BICD1: variants seen among roughly 807,000 people sequenced by gnomAD.
BICD1 encodes BICD cargo adaptor 1, also known as protein bicaudal D homolog 1.
In BICD1, 35 loss-of-function variants were observed where a neutral mutation model predicts 92.5. That is an observed-to-expected ratio of 0.38 (90% confidence interval 0.29 to 0.50). The LOEUF is 0.50. Among genes scored for constraint, BICD1 ranks in the 20% least tolerant of loss-of-function variants. BICD1 has a pLI of 0.93. For missense variants in BICD1, 950 were observed against 1,189.8 expected, an observed-to-expected ratio of 0.80 and a Z score of 2.97; for synonymous variants, 429 against 465.1, an observed-to-expected ratio of 0.92 and a Z score of 1.00.
chr12:32,135,256 T>C lies in BICD1; in HGVS notation c.213+27712T>C, dbSNP rs547111219. Among the ~76,000 whole-genome samples the C allele has an allele frequency of 7.2e-4, 109 of 151,850 alleles. No homozygotes were observed. The South Asian group carries it at 7.5e-3, about 10-fold the overall frequency. On this transcript the variant is annotated intron_variant, in intron 1 of 9. Coordinates refer to ENST00000652176, the MANE Select transcript of BICD1 (RefSeq NM_001714.4). Reference sequence around the variant, plus strand: ...GGTGCATGCCACCATGCCTGGCTAATTTTATATTTTTAGTAGAGATGGGCT... The same window carrying C: ...GGTGCATGCCACCATGCCTGGCTAACTTTATATTTTTAGTAGAGATGGGCT...
At chr12:32,165,316 C>T (rs981875116) in intron 1 of BICD1, among the ~76,000 whole-genome samples, 12 of 152,210 alleles carry the variant, frequency 7.9e-5, no homozygotes, top group African/African-American at 2.6e-4. Context: ...GAGATTGAGA[C>T]CATCCTGGCT....
intron 1 of BICD1, 95 bp downstream of exon 1, chr12:32,107,639 G>A (rs934962041): frequency 1.5e-6 from 2 of 1,336,662 alleles, no homozygotes; most frequent in African/African-American, 2.9e-5. Flanking sequence ...GGAGGTGATT[G>A]AAAGGACTGT....
In BICD1 at chr12:32,378,016, T is replaced by G. The variant is rs1940048400; in HGVS notation, c.*389T>G. Reference sequence around the variant, plus strand: ...ACACTCCAAATTCAGCTAGGGAAGTTGATTCCAATATGTTTGTCATTGATA... The same window carrying G: ...ACACTCCAAATTCAGCTAGGGAAGTGGATTCCAATATGTTTGTCATTGATA... On this transcript the variant is annotated 3_prime_UTR_variant, in exon 10 of 10. Transcript: ENST00000652176. The G allele has an allele frequency of 6.3e-6, 1 of 159,182 alleles. No individual in the cohort carries two copies. The highest frequency in any genetic ancestry group is 1.4e-5 in the Non-Finnish European group (1 of 72,422). The allele number at this position is 159,182 out of a possible 1,614,324, so 9.9% of individuals were successfully genotyped here.
At chr12:32,301,102 T>G (rs1948032823) in intron 3 of BICD1, among the ~76,000 whole-genome samples, 1 of 152,136 alleles carries the variant, frequency 6.6e-6, no homozygotes, top group African/African-American at 2.4e-5. Flanking sequence ...CCTTCTGATT[T>G]CCATACTCCT....
intron 8 of BICD1, among the ~76,000 whole-genome samples, chr12:32,348,721 AAAATATAT>A (rs1565688788): frequency 3.4e-5 from 4 of 116,434 alleles, no homozygotes; most frequent in Admixed American, 1.1e-4. Flanking sequence ...AGCTCACACA[AAAATATAT>A]ATATATATAT....
At chr12:32,246,627 G>T (rs913787785) in intron 2 of BICD1, among the ~76,000 whole-genome samples, 1 of 152,064 alleles carries the variant, frequency 6.6e-6, no homozygotes, top group African/African-American at 2.4e-5. Context: ...TACAGAGTGA[G>T]ACCTTGTCTC....
At position 32,335,947 on chromosome 12, in the gene BICD1, A is replaced by G. The variant is rs866554503; in HGVS notation, c.2252+1280A>G. ...GGTGCAAAATTCACGAATAATTACT[A>G]TGGCTTTACTTGCAGATTTAGTAAA... is the stretch of plus-strand genomic sequence containing the variant. On this transcript the variant is annotated intron_variant, in intron 6 of 9. Coordinates refer to ENST00000652176, the MANE Select transcript of BICD1 (RefSeq NM_001714.4). 3.9e-5 allele frequency among the ~76,000 whole-genome samples: 6 copies of G among 152,224 alleles called. No homozygotes were observed. The South Asian group carries it at 8.3e-4, about 21-fold the overall frequency.
chr12:32,215,975 A>AAAAG (rs1555148835), intron 1 of BICD1, among the ~76,000 whole-genome samples: 14 of 144,076 alleles, frequency 9.7e-5, no homozygotes, highest in South Asian at 6.7e-4. Flanking sequence ...AAAAAAAAAA[A>AAAAG]GGAGAACATA....
At chr12:32,142,764 A>T (rs979186222) in intron 1 of BICD1, among the ~76,000 whole-genome samples, 1 of 152,110 alleles carries the variant, frequency 6.6e-6, no homozygotes, top group African/African-American at 2.4e-5. Context: ...CTTTTCTTCA[A>T]TTGTTGACAG....
intron 2 of BICD1, among the ~76,000 whole-genome samples, chr12:32,225,211 C>T (rs1945643561): frequency 6.6e-6 from 1 of 152,152 alleles, no homozygotes; most frequent in African/African-American, 2.4e-5. Flanking sequence ...TGGAATAAAA[C>T]AGTATGTAAC....
chr12:32,317,280 A>G (rs1253998161), intron 4 of BICD1, among the ~76,000 whole-genome samples: 1 of 152,238 alleles, frequency 6.6e-6, no homozygotes, highest in African/African-American at 2.4e-5. Flanking sequence ...AGGAATCGTC[A>G]CACTGACTTC....
At chr12:32,142,708 T>G (rs1263547802) in intron 1 of BICD1, among the ~76,000 whole-genome samples, 1 of 152,216 alleles carries the variant, frequency 6.6e-6, no homozygotes, top group Non-Finnish European at 1.5e-5. Flanking sequence ...TCATTAAGAT[T>G]ATTCTCTCAT....
At chr12:32,112,532 C>T (rs940043438) in intron 1 of BICD1, among the ~76,000 whole-genome samples, 5 of 152,136 alleles carry the variant, frequency 3.3e-5, no homozygotes, top group African/African-American at 9.7e-5. Context: ...TTTGAAAATA[C>T]GGTAATTAAT....
At chr12:32,124,028 C>CTAAG (rs1942244962) in intron 1 of BICD1, among the ~76,000 whole-genome samples, 1 of 152,294 alleles carries the variant, frequency 6.6e-6, no homozygotes, top group African/African-American at 2.4e-5. Flanking sequence ...GAATCTTTAC[C>CTAAG]TAAGTGTCTT....
chr12:32,144,680 G>A (rs1005461565), intron 1 of BICD1, among the ~76,000 whole-genome samples: 6 of 152,112 alleles, frequency 3.9e-5, no homozygotes, highest in Non-Finnish European at 8.8e-5. Context: ...CTATCTACTT[G>A]CATAACAATG....
intron 2 of BICD1, among the ~76,000 whole-genome samples, chr12:32,277,605 C>A (rs1309350472): frequency 6.6e-6 from 1 of 152,142 alleles, no homozygotes; most frequent in Admixed American, 6.5e-5. Context: ...CGTCCAGGTA[C>A]CCTGTTAAAG....
intron 2 of BICD1, among the ~76,000 whole-genome samples, chr12:32,252,670 A>C (rs1208429506): frequency 6.6e-6 from 1 of 152,148 alleles, no homozygotes; most frequent in Non-Finnish European, 1.5e-5. Context: ...ATGTCCTGGA[A>C]ATCCCTGGGC....
At chr12:32,238,582 T>C (rs192222649) in intron 2 of BICD1, among the ~76,000 whole-genome samples, 2 of 152,324 alleles carry the variant, frequency 1.3e-5, no homozygotes, top group African/African-American at 4.8e-5. Context: ...TCAAACAGCA[T>C]TGCATGCTTC....
intron 2 of BICD1, among the ~76,000 whole-genome samples, chr12:32,240,356 A>G (rs1946202848): frequency 6.6e-6 from 1 of 151,970 alleles, no homozygotes; most frequent in South Asian, 2.1e-4. Context: ...CCATACCCCC[A>G]GGAAGGCTCT....
Sources: gnomAD v4.1 joint callset for allele counts (sites outside exome capture counted in the v4.1 genomes callset) on GRCh38, gnomAD v4.1.1 for gene constraint, MANE v1.5 for transcripts, NCBI Gene and HGNC (gene_info 2026-07-23, HGNC 2026-07-21) for gene names.